Variants in VTI1A observed in about 807,000 individuals in gnomAD.
VTI1A encodes the protein vesicle transport through interaction with t-SNAREs 1A.
In VTI1A, 22 loss-of-function variants were observed where a neutral mutation model predicts 34.9. The ratio of observed to expected loss-of-function variants is 0.63; its 90% CI spans 0.45 to 0.90. The LOEUF (loss-of-function observed/expected upper bound fraction) is 0.90, where lower values mean the gene tolerates loss of function less well. VTI1A is among the 40% of genes least tolerant of loss of function. The probability of loss-of-function intolerance (pLI) is 0.00; values close to 1 mark genes in which losing one functional copy is unlikely to be tolerated. For synonymous variants in VTI1A, 87 were observed against 97.3 expected (o/e 0.89, Z 0.62); for missense variants, 268 against 275.6 (o/e 0.97, Z 0.20).
intron 7 of VTI1A, among the ~76,000 whole-genome samples, chr10:112,709,049 C>T (rs1849305213): frequency 6.6e-6 from 1 of 152,130 alleles, no homozygotes; most frequent in Non-Finnish European, 1.5e-5. Flanking sequence ...GGGATTATCC[C>T]GGGAGGGGTA....
intron 5 of VTI1A, among the ~76,000 whole-genome samples, chr10:112,590,496 TA>T (rs1564839560): frequency 6.6e-6 from 1 of 152,004 alleles, no homozygotes; most frequent in South Asian, 2.1e-4. Flanking sequence ...AGTTCAAGAT[TA>T]GCCTAGCCAA....
At chr10:112,706,457 C>G (rs1849202151) in intron 7 of VTI1A, among the ~76,000 whole-genome samples, 2 of 152,176 alleles carry the variant, frequency 1.3e-5, no homozygotes, top group South Asian at 4.1e-4. Flanking sequence ...CCATTACTGC[C>G]TGTTTCAGAT....
the VTI1A span, among the ~76,000 whole-genome samples, chr10:112,842,865 C>T: frequency 6.6e-6 from 1 of 152,156 alleles, no homozygotes; most frequent in Admixed American, 6.5e-5. Flanking sequence ...AAAACAGAAG[C>T]CACTCTGGGT....
chr10:112,783,401 G>A (rs1336622619), intron 7 of VTI1A, among the ~76,000 whole-genome samples: 1 of 150,310 alleles, frequency 6.7e-6, no homozygotes, highest in Non-Finnish European at 1.5e-5. Context: ...GCGTGCACGT[G>A]CACACACACA....
At chr10:112,543,434 A>G (rs1850944096) in intron 5 of VTI1A, among the ~76,000 whole-genome samples, 1 of 152,190 alleles carries the variant, frequency 6.6e-6, no homozygotes, top group Admixed American at 6.5e-5. Flanking sequence ...GCCAGTGATG[A>G]TGAGCATTTT....
chr10:112,695,412 A>G (rs899128583), intron 7 of VTI1A, among the ~76,000 whole-genome samples: 3 of 152,142 alleles, frequency 2.0e-5, no homozygotes, highest in Admixed American at 6.5e-5. Flanking sequence ...TTAAAAAAAA[A>G]GGCTTGGTTT....
At chr10:112,741,326 G>A (rs1483303105) in intron 7 of VTI1A, among the ~76,000 whole-genome samples, 18 of 152,074 alleles carry the variant, frequency 1.2e-4, no homozygotes, top group Admixed American at 4.6e-4. Flanking sequence ...ATGGTGGCAC[G>A]CGCCTGTAAT....
At chr10:112,654,763 G>A (rs994631006) in intron 5 of VTI1A, among the ~76,000 whole-genome samples, 2 of 152,166 alleles carry the variant, frequency 1.3e-5, no homozygotes, top group Non-Finnish European at 2.9e-5. Flanking sequence ...TTACAGGCGT[G>A]AGCCACCGCG....
intron 3 of VTI1A, chr10:112,484,822 T>G (rs937179889): frequency 1.3e-5 from 2 of 151,546 alleles, no homozygotes; most frequent in African/African-American, 2.4e-5. Context: ...ACACAAAACA[T>G]AAGTATTCCA....
At chr10:112,727,474 A>G (rs1376998949) in intron 7 of VTI1A, among the ~76,000 whole-genome samples, 1 of 152,174 alleles carries the variant, frequency 6.6e-6, no homozygotes, top group Admixed American at 6.5e-5. Context: ...AGCTACTTAC[A>G]TGAAAAAAAT....
At chr10:112,846,660 A>G in the VTI1A span, among the ~76,000 whole-genome samples, 110,059 of 151,700 alleles carry the variant, frequency 0.73, 40,312 homozygotes, top group Middle Eastern at 0.83. Flanking sequence ...CAGCTACTCA[A>G]GAGGCTGAGG....
At chr10:112,669,156 C>T (rs1426359385) in intron 7 of VTI1A, 158 bp downstream of exon 7, 1 of 338,040 alleles carries the variant, frequency 3.0e-6, no homozygotes, top group Non-Finnish European at 4.2e-6. Context: ...GATGTTAACT[C>T]TTGTTTGGAC....
intron 7 of VTI1A, chr10:112,737,091 A>G: frequency 3.0e-6 from 1 of 336,806 alleles, no homozygotes; most frequent in Non-Finnish European, 5.4e-6. Context: ...TTTTTTTTTG[A>G]GACAGAGTCT....
At chr10:112,542,423 A>C (rs1288245383) in intron 5 of VTI1A, among the ~76,000 whole-genome samples, 1 of 151,908 alleles carries the variant, frequency 6.6e-6, no homozygotes, top group Non-Finnish European at 1.5e-5. Context: ...TTGCTCCCCC[A>C]TCCCTCACCA....
intron 5 of VTI1A, among the ~76,000 whole-genome samples, chr10:112,573,850 T>C (rs1465641130): frequency 6.6e-6 from 1 of 152,190 alleles, no homozygotes; most frequent in Non-Finnish European, 1.5e-5. Context: ...TTGCCTAAGG[T>C]AATTTGAGAT....
chr10:112,625,878 A>G (rs902785220), intron 5 of VTI1A, among the ~76,000 whole-genome samples: 6 of 152,156 alleles, frequency 3.9e-5, no homozygotes, highest in Middle Eastern at 3.2e-3. Context: ...ACCAAACACT[A>G]CAGAAATAAA....
intron 7 of VTI1A, among the ~76,000 whole-genome samples, chr10:112,724,928 T>G (rs1849960613): frequency 7.0e-6 from 1 of 143,576 alleles, no homozygotes; most frequent in Admixed American, 6.8e-5. Flanking sequence ...TATCCTTCTC[T>G]CCTCTTTTTG....
intron 7 of VTI1A, among the ~76,000 whole-genome samples, chr10:112,712,479 C>T (rs1260177947): frequency 8.1e-6 from 1 of 123,118 alleles, no homozygotes; most frequent in Non-Finnish European, 1.8e-5. Flanking sequence ...TATTATCACA[C>T]ACACACACAC....
chr10:112,831,616 C>T, the VTI1A span: 2 of 152,194 alleles, frequency 1.3e-5, no homozygotes, highest in Non-Finnish European at 2.9e-5. Flanking sequence ...TATTTCAAAA[C>T]CTACAGTACA....
Sources: gnomAD v4.1 joint callset for allele counts (sites outside exome capture counted in the v4.1 genomes callset) on GRCh38, gnomAD v4.1.1 for gene constraint, MANE v1.5 for transcripts, NCBI Gene and HGNC (gene_info 2026-07-23, HGNC 2026-07-21) for gene names.